The following ARSL variants were observed in gnomAD, a reference collection of about 807,000 sequenced individuals.
ARSL encodes the protein arylsulfatase E (chondrodysplasia punctata 1).
A neutral mutation model predicts 31.1 loss-of-function variants in ARSL; 4 were observed. That is an observed-to-expected ratio of 0.13 (90% CI 0.06 to 0.29). The LOEUF is 0.29. Ranked by LOEUF, ARSL falls within the 10% of genes least tolerant of loss-of-function variation. The pLI, the probability that ARSL is intolerant of heterozygous loss-of-function variation, is 1.00. For missense variants in ARSL, 312 were observed against 497.8 expected (o/e 0.63, Z 3.55); for synonymous variants, 198 against 209.9 (o/e 0.94, Z 0.49).
At chrX:2,952,928 A>G (rs1023113548) in intron 5 of ARSL, 18 of 343,579 alleles carry the variant, frequency 5.2e-5, no homozygotes, top group African/African-American at 4.8e-4. Flanking sequence ...AAGTACTGGG[A>G]TTATAGGCAT....
chrX:2,953,092 G>A, intron 5 of ARSL, 51 bp downstream of exon 5: 3 of 1,186,451 alleles, frequency 2.5e-6, no homozygotes, highest in Non-Finnish European at 3.4e-6. Flanking sequence ...TTAGCTGAAT[G>A]TCCCTTCCAT....
In ARSL at chrX:2,949,301, G is replaced by C; in HGVS notation, c.854+3C>G. On this transcript the variant is annotated splice_donor_region_variant and intron_variant, in intron 6 of 10. Coordinates refer to ENST00000381134, the MANE Select transcript of ARSL (RefSeq NM_000047.3). ...TGGAGGAAGCTGACCCTTTTCTGCTGACCTTTTGAGAAAGGACGCAACCTC... is the reference window on the plus strand; with the variant it reads ...TGGAGGAAGCTGACCCTTTTCTGCTCACCTTTTGAGAAAGGACGCAACCTC... 1.7e-6 allele frequency: 2 copies of C among 1,211,331 alleles called. No individual in the cohort carries two copies. Among genetic ancestry groups the C allele is most frequent in the Non-Finnish European group, 2.2e-6 (2 of 895,381 alleles).
chrX:2,936,785 A>G lies in ARSL; in HGVS notation c.1368T>C (p.Tyr456=). 1.7e-6 allele frequency: 2 copies of G among 1,211,482 alleles called. No homozygotes were observed. Among genetic ancestry groups the G allele is most frequent in the Non-Finnish European group, 2.2e-6 (2 of 895,428 alleles). Residue 456 remains tyrosine, a synonymous_variant, in exon 10 of 11, where the codon TAT becomes TAC. Coordinates refer to ENST00000381134, the MANE Select transcript of ARSL (RefSeq NM_000047.3). ...QHSDHEFLMH[Y]CERFLHAARW... ...TGGCTGCGTGCAGAAACCTCTCACA[A>G]TAATGCATCAGGAACTCGTGGTCTG...
At chrX:2,938,894 T>C (rs1270489698) in intron 8 of ARSL, among the ~76,000 whole-genome samples, 11 of 88,691 alleles carry the variant, frequency 1.2e-4, no homozygotes, top group East Asian at 7.5e-4. Context: ...GAGAAGAAGG[T>C]CACGTGGAGA....
chrX:2,943,763 A>AG (rs2089317275), intron 7 of ARSL, among the ~76,000 whole-genome samples: 1 of 104,986 alleles, frequency 9.5e-6, no homozygotes, highest in Non-Finnish European at 1.9e-5. Context: ...AAAAAAAAAA[A>AG]AAAAAAAAGT....
chrX:2,965,760 A>G (rs2089694333), upstream of ARSL, among the ~76,000 whole-genome samples: 2 of 110,184 alleles, frequency 1.8e-5, no homozygotes, highest in South Asian at 3.9e-4. Flanking sequence ...AATTAGCTGG[A>G]TGTGGTGGCG....
intron 7 of ARSL, among the ~76,000 whole-genome samples, chrX:2,944,838 G>T (rs972011946): frequency 9.0e-6 from 1 of 111,003 alleles, no homozygotes. Context: ...TCCCCTGGGG[G>T]AAATGGAAAA....
chrX:2,953,656 G>A (rs1045946861), intron 4 of ARSL, among the ~76,000 whole-genome samples: 3 of 111,690 alleles, frequency 2.7e-5, no homozygotes, highest in African/African-American at 9.8e-5. Context: ...GGGCTCAAAC[G>A]ATCCTCCCAC....
chrX:2,960,136 G>A (rs1159966346), intron 2 of ARSL, among the ~76,000 whole-genome samples: 1 of 88,399 alleles, frequency 1.1e-5, no homozygotes, highest in African/African-American at 4.1e-5. Context: ...GGGCGTGGTG[G>A]CAGGCGCCTG....
At chrX:2,954,740 C>T (rs1361627872) in intron 4 of ARSL, among the ~76,000 whole-genome samples, 1 of 112,068 alleles carries the variant, frequency 8.9e-6, no homozygotes, top group Non-Finnish European at 1.9e-5. Flanking sequence ...GTTTATTACT[C>T]ACAGTTCAAG....
At chrX:2,951,636 G>GA (rs1426945466) in intron 5 of ARSL, among the ~76,000 whole-genome samples, 1 of 86,685 alleles carries the variant, frequency 1.2e-5, no homozygotes, top group East Asian at 3.5e-4. Context: ...AAAAAAAAAA[G>GA]AAAAAAAAGA....
At chrX:2,959,649 G>A in intron 2 of ARSL, 2 of 1,153,951 alleles carry the variant, frequency 1.7e-6, no homozygotes, top group Non-Finnish European at 2.3e-6. Context: ...GCTGCCTGGG[G>A]CAACATCAAA....
In ARSL at chrX:2,953,393, C is replaced by T. The variant is rs1377156064; in HGVS notation, c.308-128G>A. ...TACTTAAAATTAAATTGAAAATGGA[C>T]TTCCTATATGACTTTGCCTAGTGGA... On this transcript the variant is annotated intron_variant, in intron 4 of 10. Transcript: ENST00000381134. 6 of 808,630 alleles carry T rather than the reference C, an allele frequency of 7.4e-6. No individual in the cohort carries two copies. The East Asian group carries it at 2.3e-4, about 31-fold the overall frequency. 66.6% of individuals were successfully genotyped at this position (808,630 alleles called of 1,213,427 possible).
At chrX:2,942,378 G>A (rs912680892) in intron 8 of ARSL, among the ~76,000 whole-genome samples, 6 of 111,149 alleles carry the variant, frequency 5.4e-5, no homozygotes, top group Admixed American at 4.8e-4. Context: ...TGCAACCTCC[G>A]CCTCCCAGGT....
At chrX:2,944,252 G>C (rs1379692943) in intron 7 of ARSL, among the ~76,000 whole-genome samples, 1 of 108,824 alleles carries the variant, frequency 9.2e-6, no homozygotes. Flanking sequence ...TCAGCAGTTC[G>C]AGACCAGCCT....
chrX:2,938,577 AG>A (rs775482667), intron 8 of ARSL, among the ~76,000 whole-genome samples: 2 of 111,907 alleles, frequency 1.8e-5, no homozygotes, highest in African/African-American at 6.5e-5. Flanking sequence ...GTGGAGACGG[AG>A]GCAAAGACTG....
chrX:2,950,466 C>G (rs1481160852), intron 5 of ARSL, among the ~76,000 whole-genome samples: 9 of 111,531 alleles, frequency 8.1e-5, no homozygotes, highest in Non-Finnish European at 3.8e-5. Flanking sequence ...CAAATCTCAC[C>G]TTGAATTGTA....
At chrX:2,950,899 T>C (rs968975991) in intron 5 of ARSL, among the ~76,000 whole-genome samples, 1 of 110,679 alleles carries the variant, frequency 9.0e-6, no homozygotes, top group Non-Finnish European at 1.9e-5. Context: ...TCCCAGCTCC[T>C]GGTGGCTCCA....
chrX:2,935,659 C>T (rs1467338284), intron 10 of ARSL, among the ~76,000 whole-genome samples: 2 of 106,044 alleles, frequency 1.9e-5, no homozygotes, highest in African/African-American at 6.7e-5. Flanking sequence ...GAATTGCACT[C>T]AGTCAGTTTT....
Sources: gnomAD v4.1 joint callset for allele counts (sites outside exome capture counted in the v4.1 genomes callset) on GRCh38, gnomAD v4.1.1 for gene constraint, MANE v1.5 for transcripts, NCBI Gene and HGNC (gene_info 2026-07-23, HGNC 2026-07-21) for gene names.